NRXN3: variants seen among roughly 807,000 people sequenced by gnomAD.
NRXN3 encodes neurexin III.
Under a neutral mutation model 137.6 loss-of-function variants are expected in NRXN3, and 32 were observed. The observed-to-expected ratio is 0.23, with a 90% CI of 0.18 to 0.31. NRXN3 has a LOEUF of 0.31. NRXN3 is among the 10% of genes least tolerant of loss of function. The pLI is 1.00. For missense variants in NRXN3, 1,574 were observed against 2,062.5 expected (o/e 0.76, Z 4.59); for synonymous variants, 798 against 784.5 (o/e 1.02, Z -0.29).
chr14:79,357,346 A>T (rs1056563843), intron 15 of NRXN3, among the ~76,000 whole-genome samples: 3 of 152,140 alleles, frequency 2.0e-5, no homozygotes, highest in African/African-American at 4.8e-5. Flanking sequence ...TTAAAAAAAT[A>T]AAAAAAATTA....
intron 2 of NRXN3, among the ~76,000 whole-genome samples, chr14:78,276,414 C>T (rs2073601764): frequency 6.6e-6 from 1 of 152,104 alleles, no homozygotes; most frequent in Non-Finnish European, 1.5e-5. Context: ...TTGGTGTTTC[C>T]AGTGAGCCAT....
chr14:78,589,317 G>A (rs1050379503), intron 4 of NRXN3, among the ~76,000 whole-genome samples: 1 of 152,136 alleles, frequency 6.6e-6, no homozygotes, highest in Non-Finnish European at 1.5e-5. Context: ...CTATCTGGGG[G>A]CCTTCTCTCT....
At position 78,229,826 on chromosome 14, in the gene NRXN3, G is replaced by A. The variant is rs58976851; in HGVS notation, c.-703-12565G>A. Among the ~76,000 whole-genome samples the A allele has an allele frequency of 3.1e-3, 471 of 152,152 alleles. 2 individuals carry two copies. The highest frequency in any genetic ancestry group is 8.8e-3 in the African/African-American group (366 of 41,498). On this transcript the variant is annotated intron_variant, in intron 1 of 20. Coordinates refer to ENST00000335750, the MANE Select transcript of NRXN3 (RefSeq NM_001330195.2). ...CTCACATGTTTATGTCTTCCTACAGGACACAGTGTGAGGGTTGGTAGCACC... is the reference window on the plus strand; with the variant it reads ...CTCACATGTTTATGTCTTCCTACAGAACACAGTGTGAGGGTTGGTAGCACC...
chr14:79,734,954 A>G (rs2098936851), intron 19 of NRXN3, among the ~76,000 whole-genome samples: 1 of 152,188 alleles, frequency 6.6e-6, no homozygotes. Context: ...TATTAAGCCT[A>G]CTAGGTACCA....
At chr14:78,399,789 T>A (rs76241743) in intron 4 of NRXN3, among the ~76,000 whole-genome samples, 1 of 152,198 alleles carries the variant, frequency 6.6e-6, no homozygotes, top group Non-Finnish European at 1.5e-5. Context: ...ACTGTCATAG[T>A]CTTCAATTGC....
At position 79,455,062 on chromosome 14, in the gene NRXN3, T is replaced by G. The variant is rs544499626; in HGVS notation, c.3263-12159T>G. Among the ~76,000 whole-genome samples the G allele has an allele frequency of 4.6e-5, 7 of 152,330 alleles. No individual in the cohort carries two copies. In the South Asian group the frequency reaches 1.4e-3, roughly 32 times the overall value. On this transcript the variant is annotated intron_variant, in intron 15 of 20. Transcript: ENST00000335750. The stretch of plus-strand genomic sequence containing the variant: ...GGATTTACAAATGAATTGGAAAATT[T>G]CTTAGTCTGTTTGGGCCACTATAAC...
rs148370892 is a variant in NRXN3 at position 79,336,566 on chromosome 14, G to A, written c.3263-130655G>A. Among the ~76,000 whole-genome samples the A allele has an allele frequency of 7.6e-3, 1,164 of 152,248 alleles. 8 individuals carry two copies. Among genetic ancestry groups the A allele is most frequent in the Admixed American group, 0.011 (171 of 15,286 alleles). On this transcript the variant is annotated intron_variant, in intron 15 of 20. Transcript: ENST00000335750. Reference sequence around the variant, plus strand: ...CTTGCAGTCAGAATGGCAAACAAATGGCATGGCCTGTCAGTATCTGAAGTT... The same window carrying A: ...CTTGCAGTCAGAATGGCAAACAAATAGCATGGCCTGTCAGTATCTGAAGTT...
chr14:78,983,977 T>G (rs1438827535), intron 14 of NRXN3, among the ~76,000 whole-genome samples: 1 of 151,406 alleles, frequency 6.6e-6, no homozygotes, highest in Non-Finnish European at 1.5e-5. Flanking sequence ...GAAAGACAGA[T>G]ACCACATGAT....
intron 14 of NRXN3, among the ~76,000 whole-genome samples, chr14:78,971,411 A>ATAT (rs2099439537): frequency 6.7e-6 from 1 of 148,290 alleles, no homozygotes; most frequent in Non-Finnish European, 1.5e-5. Context: ...GCAAATCTAG[A>ATAT]ATACACAGAT....
chr14:78,864,096 G>C (rs2099080229), intron 10 of NRXN3, among the ~76,000 whole-genome samples: 1 of 152,106 alleles, frequency 6.6e-6, no homozygotes, highest in Non-Finnish European at 1.5e-5. Context: ...TTTCTGACTG[G>C]AAGACTCAAA....
At chr14:79,028,923 A>T (rs574864475) in intron 15 of NRXN3, among the ~76,000 whole-genome samples, 1 of 152,234 alleles carries the variant, frequency 6.6e-6, no homozygotes, top group South Asian at 2.1e-4. Context: ...CAAGTGCAGA[A>T]ATCTTTACAG....
chr14:78,630,026 T>A (rs962447065), intron 4 of NRXN3, among the ~76,000 whole-genome samples: 4 of 152,242 alleles, frequency 2.6e-5, no homozygotes, highest in African/African-American at 7.2e-5. Context: ...ATGTGCTTTA[T>A]TTTTTACCTT....
rs1209040425 is a variant in NRXN3, at chr14:79,646,433, GTTT to G, written c.3445-17341_3445-17339del. On this transcript the variant is annotated intron_variant, in intron 16 of 20. Transcript: ENST00000335750. ...AAGTCATATTTAACATTCTTCTAAT[GTTT>G]TTTCTCACATGCCAATGTCCAAAAA... Among the ~76,000 whole-genome samples the G allele has an allele frequency of 1.5e-5, 2 of 135,786 alleles. 1 individual carries two copies. The highest frequency in any genetic ancestry group is 3.4e-5 in the Non-Finnish European group (2 of 58,358). 89.1% of individuals were successfully genotyped at this position (135,786 alleles called of 152,430 possible). A position where few individuals can be genotyped will look rare whatever the true frequency, so the allele number is the denominator to read the frequency against.
intron 17 of NRXN3, among the ~76,000 whole-genome samples, chr14:79,678,866 G>A (rs140606376): frequency 4.7e-4 from 72 of 152,208 alleles, no homozygotes; most frequent in African/African-American, 1.6e-3. Flanking sequence ...GGTTTCTGAA[G>A]GAGTGAAATT....
intron 8 of NRXN3, among the ~76,000 whole-genome samples, chr14:78,796,485 A>G (rs1435110887): frequency 6.6e-6 from 1 of 152,210 alleles, no homozygotes; most frequent in Non-Finnish European, 1.5e-5. Flanking sequence ...TTCTTAAACA[A>G]TGGAGATCTT....
chr14:79,643,714 T>G lies in NRXN3; in HGVS notation c.3445-20064T>G, dbSNP rs1213382194. On this transcript the variant is annotated intron_variant, in intron 16 of 20. Coordinates refer to ENST00000335750, the MANE Select transcript of NRXN3 (RefSeq NM_001330195.2). ...CTGCTTTTTGCTGTGCTGGTCCCAC[T>G]GCTTAGAATGTTATTTCCTCAACCT... Among the ~76,000 whole-genome samples, 3 of 135,246 alleles carry G rather than the reference T, an allele frequency of 2.2e-5. 1 individual carries two copies. Among genetic ancestry groups the G allele is most frequent in the Non-Finnish European group, 5.2e-5 (3 of 58,216 alleles). The allele number at this position is 135,246 out of a possible 152,430, so 88.7% of individuals were successfully genotyped here. A position where few individuals can be genotyped will look rare whatever the true frequency, so the allele number is the denominator to read the frequency against.
At chr14:78,293,680 T>C (rs2076028352) in intron 3 of NRXN3, among the ~76,000 whole-genome samples, 1 of 152,206 alleles carries the variant, frequency 6.6e-6, no homozygotes, top group Non-Finnish European at 1.5e-5. Context: ...AATAATCTTC[T>C]TCAATAACAT....
chr14:79,613,089 CCTT>C (rs1244496764), intron 16 of NRXN3, among the ~76,000 whole-genome samples: 2 of 152,138 alleles, frequency 1.3e-5, no homozygotes, highest in African/African-American at 4.8e-5. Context: ...CATCCTTTGT[CCTT>C]CTTGCTGCCT....
chr14:78,763,227 G>A (rs1163044096), intron 8 of NRXN3, among the ~76,000 whole-genome samples: 2 of 152,154 alleles, frequency 1.3e-5, no homozygotes, highest in South Asian at 4.1e-4. Context: ...AAAATTCTTT[G>A]AGGCTTAACT....
Sources: allele counts gnomAD v4.1 joint callset (sites outside exome capture counted in the v4.1 genomes callset), GRCh38; gene constraint gnomAD v4.1.1; transcripts MANE v1.5; gene names NCBI Gene and HGNC (gene_info 2026-07-23, HGNC 2026-07-21).